Variants in P2RX7 observed in about 807,000 individuals in gnomAD.
P2RX7 encodes P2X purinoceptor 7.
In P2RX7, 62 loss-of-function variants were observed where a neutral mutation model predicts 71.6. The observed-to-expected ratio is 0.87, with a 90% CI of 0.71 to 1.07. The LOEUF (loss-of-function observed/expected upper bound fraction) is 1.07, where lower values mean the gene tolerates loss of function less well. P2RX7 is among the 50% of genes least tolerant of loss of function. The pLI is 0.00. For missense variants in P2RX7, 686 were observed against 748.5 expected (o/e 0.92, Z 0.97); for synonymous variants, 299 against 283.3 (o/e 1.06, Z -0.56).
chr12:121,145,672 A>C (rs1350623006), intron 1 of P2RX7, among the ~76,000 whole-genome samples: 1 of 151,732 alleles, frequency 6.6e-6, no homozygotes, highest in Non-Finnish European at 1.5e-5. Flanking sequence ...ACACCCGCCT[A>C]ATTTTTTGTA....
rs1289063829 is a variant in P2RX7 at position 121,184,520 on chromosome 12, GC to G, written c.1508del (p.Pro503ArgfsTer103). On this transcript the variant is annotated frameshift_variant, in exon 13 of 13. Transcript: ENST00000328963. LOFTEE classifies it high-confidence loss of function. ...TGGAGGAGCTGTGCTGCCGGAAAAA[GC>G]CGGGGGCCTGCATCACCACCTCAGA... ...CLEELCCRKK[P>X]GACITTSELF... 1 of 1,614,218 alleles carries G rather than the reference GC, an allele frequency of 6.2e-7. No homozygotes were observed. The highest frequency in any genetic ancestry group is 1.3e-5 in the African/African-American group (1 of 75,062).
At chr12:121,155,278 A>G (rs1197179998) in intron 2 of P2RX7, 1 of 1,330,788 alleles carries the variant, frequency 7.5e-7, no homozygotes, top group South Asian at 1.2e-5. Context: ...GTCTGCCGAG[A>G]TTCAGAAGGA....
intron 1 of P2RX7, among the ~76,000 whole-genome samples, chr12:121,150,374 A>G (rs1342934745): frequency 6.6e-6 from 1 of 152,230 alleles, no homozygotes; most frequent in Non-Finnish European, 1.5e-5. Flanking sequence ...ATCAGAATTG[A>G]GCTTCCCAAA....
At chr12:121,134,001 G>A (rs183374345) in intron 1 of P2RX7, among the ~76,000 whole-genome samples, 297 of 152,240 alleles carry the variant, frequency 2.0e-3, no homozygotes, top group Non-Finnish European at 3.3e-3. Context: ...CAGGATTACA[G>A]GCGTGAGCCA....
At chr12:121,134,257 T>C (rs928430894) in intron 1 of P2RX7, among the ~76,000 whole-genome samples, 16 of 152,216 alleles carry the variant, frequency 1.1e-4, no homozygotes, top group African/African-American at 3.6e-4. Context: ...TGTTTCACCT[T>C]TGGGGGGAAT....
rs560072102 is a variant in P2RX7 at position 121,151,953 on chromosome 12, A to G, written c.126-2832A>G. ...AGCTACCCACCTACTTGGGAGGCTG[A>G]GGCAGGAGAATCGCTTGAACTCCAG... On this transcript the variant is annotated intron_variant, in intron 1 of 12. Transcript: ENST00000328963. Among the ~76,000 whole-genome samples the G allele has an allele frequency of 6.9e-4, 105 of 152,232 alleles. 1 individual carries two copies. Among genetic ancestry groups the G allele is most frequent in the African/African-American group, 2.4e-3 (100 of 41,528 alleles).
intron 12 of P2RX7, among the ~76,000 whole-genome samples, chr12:121,180,912 C>T (rs113760750): frequency 0.038 from 5,728 of 151,262 alleles, 150 homozygotes; most frequent in South Asian, 0.12. Context: ...TGCAGTGAGC[C>T]GAGATTGTGC....
At position 121,165,343 on chromosome 12, in the gene P2RX7, T is replaced by C. The variant is rs764027833; in HGVS notation, c.534-14T>C. 6 of 1,611,950 alleles carry C rather than the reference T, an allele frequency of 3.7e-6. No individual in the cohort carries two copies. The highest frequency in any genetic ancestry group is 1.1e-5 in the South Asian group (1 of 91,028). Reference sequence around the variant, plus strand: ...CCCCGTCACTAATGGCCATTTTGCATGTCTCTCTCCCAGGCCTGCTCTCTT... The same window carrying C: ...CCCCGTCACTAATGGCCATTTTGCACGTCTCTCTCCCAGGCCTGCTCTCTT... On this transcript the variant is annotated splice_polypyrimidine_tract_variant and intron_variant, in intron 5 of 12. Coordinates refer to ENST00000328963, the MANE Select transcript of P2RX7 (RefSeq NM_002562.6).
intron 3 of P2RX7, among the ~76,000 whole-genome samples, chr12:121,156,559 G>T (rs533653208): frequency 6.6e-6 from 1 of 152,282 alleles, no homozygotes; most frequent in East Asian, 1.9e-4. Context: ...GAGATGTTGT[G>T]ACTTCCCCCA....
At position 121,175,326 on chromosome 12, in the gene P2RX7, A is replaced by C. The variant is rs1487843369; in HGVS notation, c.882-62A>C. ...ACCCTGTCTCAAAAAAAAAAAAAAA[A>C]AAACCCAAAACCCAGCACTTTCAAA... is the stretch of plus-strand genomic sequence containing the variant. On this transcript the variant is annotated intron_variant, in intron 8 of 12. Transcript: ENST00000328963. 11 of 1,025,170 alleles carry C rather than the reference A, an allele frequency of 1.1e-5. No individual in the cohort carries two copies. In the African/African-American group the frequency reaches 1.5e-4, roughly 14 times the overall value. The allele number at this position is 1,025,170 out of a possible 1,614,324, so 63.5% of individuals were successfully genotyped here. A position where few individuals can be genotyped will look rare whatever the true frequency, so the allele number is the denominator to read the frequency against.
chr12:121,160,442 G>A (rs904959713), intron 3 of P2RX7, among the ~76,000 whole-genome samples: 1 of 152,064 alleles, frequency 6.6e-6, no homozygotes, highest in Non-Finnish European at 1.5e-5. Flanking sequence ...AAGCCACGGC[G>A]CCCAGCCCCC....
At chr12:121,141,768 C>T (rs1055928861) in intron 1 of P2RX7, among the ~76,000 whole-genome samples, 18 of 152,122 alleles carry the variant, frequency 1.2e-4, no homozygotes, top group African/African-American at 4.1e-4. Flanking sequence ...TTTGATTCTC[C>T]TACATAATCC....
chr12:121,146,982 G>T (rs1282934536), intron 1 of P2RX7, among the ~76,000 whole-genome samples: 4 of 152,232 alleles, frequency 2.6e-5, no homozygotes. Flanking sequence ...GTCACAGGTG[G>T]CACAATCCCA....
At chr12:121,164,026 GTCACA>G (rs1880480951) in intron 5 of P2RX7, among the ~76,000 whole-genome samples, 1 of 151,730 alleles carries the variant, frequency 6.6e-6, no homozygotes, top group African/African-American at 2.4e-5. Flanking sequence ...GCATTTCTTT[GTCACA>G]GAAGGAATCA....
At chr12:121,158,983 C>T (rs55814439) in intron 3 of P2RX7, among the ~76,000 whole-genome samples, 17,190 of 152,172 alleles carry the variant, frequency 0.11, 1,177 homozygotes, top group African/African-American at 0.17. Context: ...AGGAGACCAA[C>T]GGCATGCCAT....
In P2RX7 at chr12:121,168,910, G is replaced by T. The variant is rs557268469; in HGVS notation, c.881+1286G>T. Among the ~76,000 whole-genome samples, 4 of 152,250 alleles carry T rather than the reference G, an allele frequency of 2.6e-5. No individual in the cohort carries two copies. The East Asian group carries it at 7.7e-4, about 29-fold the overall frequency. ...AAATTTCTAGACTTATTGAATCAAA[G>T]GTTGTGAACATTTTATCATATGCTT... On this transcript the variant is annotated intron_variant, in intron 8 of 12. Coordinates refer to ENST00000328963, the MANE Select transcript of P2RX7 (RefSeq NM_002562.6).
chr12:121,177,054 C>A, intron 9 of P2RX7, 93 bp from the exon 10 acceptor site: 1 of 1,071,100 alleles, frequency 9.3e-7, no homozygotes, highest in Non-Finnish European at 1.4e-6. Context: ...CAGCATGAGG[C>A]TCCGCTCCCT....
intron 4 of P2RX7, 58 bp from the exon 5 acceptor site, chr12:121,162,366 A>G (rs1395197923): frequency 1.2e-6 from 2 of 1,602,384 alleles, no homozygotes; most frequent in Non-Finnish European, 8.5e-7. Flanking sequence ...CCTCCTGGAG[A>G]ACGTCCTCTC....
In P2RX7 at chr12:121,143,235, A is replaced by AT. The variant is rs1361484250; in HGVS notation, c.125+10140_125+10141insT. Among the ~76,000 whole-genome samples, 623 of 151,442 alleles carry AT rather than the reference A, an allele frequency of 4.1e-3. 6 individuals are homozygous for AT. Among genetic ancestry groups the AT allele is most frequent in the African/African-American group, 0.015 (606 of 41,240 alleles). On this transcript the variant is annotated intron_variant, in intron 1 of 12. Transcript: ENST00000328963. ...TCTCTCTCTACTAAAAAAAAAAAAA[A>AT]ATACAAAAATTACCCAGATGTGGTG...
Sources: allele counts gnomAD v4.1 joint callset (sites outside exome capture counted in the v4.1 genomes callset), GRCh38; gene constraint gnomAD v4.1.1; transcripts MANE v1.5; gene names NCBI Gene and HGNC (gene_info 2026-07-23, HGNC 2026-07-21).